LGMN: variants seen among roughly 807,000 people sequenced by gnomAD.
The protein encoded by LGMN is legumain.
A neutral mutation model predicts 56.8 loss-of-function variants in LGMN; 36 were observed. The observed-to-expected ratio is 0.63, with a 90% CI of 0.49 to 0.84. The LOEUF is 0.84. Ranked by LOEUF, LGMN falls within the 40% of genes least tolerant of loss-of-function variation. The pLI is 0.00. For missense variants in LGMN, 446 were observed against 556.1 expected (o/e 0.80, Z 1.99); for synonymous variants, 199 against 210.1 (o/e 0.95, Z 0.46).
At chr14:92,711,325 T>C (rs1889756772) in intron 10 of LGMN, among the ~76,000 whole-genome samples, 1 of 152,242 alleles carries the variant, frequency 6.6e-6, no homozygotes, top group Admixed American at 6.5e-5. Context: ...GATCCCTTGC[T>C]GCACACTAGG....
Position 92,726,319 on chromosome 14 carries a change from T to C in LGMN, c.138+6330A>G, listed in dbSNP as rs539753512. On this transcript the variant is annotated intron_variant, in intron 2 of 13. Coordinates refer to ENST00000334869, the MANE Select transcript of LGMN (RefSeq NM_005606.7). The stretch of plus-strand genomic sequence containing the variant: ...AGTCACCACCACCTCCTTCCTGCAC[T>C]CCCTGGCCACTCCCTCTCGCCTCCG... Among the ~76,000 whole-genome samples, 77 of 151,886 alleles carry C rather than the reference T, an allele frequency of 5.1e-4. No homozygotes were observed. The South Asian group carries it at 0.015, about 29-fold the overall frequency.
chr14:92,716,922 T>C (rs1890102678), intron 4 of LGMN, among the ~76,000 whole-genome samples: 1 of 152,102 alleles, frequency 6.6e-6, no homozygotes, highest in African/African-American at 2.4e-5. Context: ...AGAAAAGTTT[T>C]TGGAAGTAAT....
chr14:92,727,714 T>C (rs965149631), intron 2 of LGMN, among the ~76,000 whole-genome samples: 2 of 152,122 alleles, frequency 1.3e-5, no homozygotes, highest in African/African-American at 2.4e-5. Flanking sequence ...CCCATCCCTC[T>C]CCTGATGGAC....
intron 2 of LGMN, among the ~76,000 whole-genome samples, chr14:92,732,049 TG>T (rs1241557856): frequency 1.3e-5 from 2 of 152,114 alleles, no homozygotes; most frequent in Non-Finnish European, 2.9e-5. Flanking sequence ...CAGAGAGGCC[TG>T]GGGGTCCTGT....
At chr14:92,715,085 G>A (rs150282337) in intron 5 of LGMN, among the ~76,000 whole-genome samples, 1,942 of 142,998 alleles carry the variant, frequency 0.014, 43 homozygotes, top group Admixed American at 0.064. Context: ...TGTAACTTCC[G>A]CCTCCCAGGT....
rs1890060066 is a variant in LGMN, at chr14:92,716,116, T to C, written c.404+20A>G. ...TCCCAAGCCATTGAGAGAAGTGTAG[T>C]ATCCGTAAACAGACATTACCTCTTC... On this transcript the variant is annotated intron_variant, in intron 5 of 13. Coordinates refer to ENST00000334869, the MANE Select transcript of LGMN (RefSeq NM_005606.7). 1 of 1,534,674 alleles carries C rather than the reference T, an allele frequency of 6.5e-7. No homozygotes were observed. Among genetic ancestry groups the C allele is most frequent in the Non-Finnish European group, 9.0e-7 (1 of 1,114,408 alleles).
At chr14:92,706,404 G>T in intron 12 of LGMN, 79 bp downstream of exon 12, 2 of 1,244,520 alleles carry the variant, frequency 1.6e-6, no homozygotes, top group Non-Finnish European at 2.2e-6. Context: ...CTATAAGGTC[G>T]TACAACCAAT....
chr14:92,742,758 A>T (rs965461490), intron 1 of LGMN, among the ~76,000 whole-genome samples: 1 of 152,162 alleles, frequency 6.6e-6, no homozygotes, highest in Non-Finnish European at 1.5e-5. Flanking sequence ...GAAGCATTGG[A>T]TACAGGCTGG....
chr14:92,719,357 A>ACCGCCATCACTGC (rs1890334322), intron 2 of LGMN, among the ~76,000 whole-genome samples: 2 of 45,670 alleles, frequency 4.4e-5, no homozygotes, highest in African/African-American at 1.9e-4. Flanking sequence ...ACCACCACCA[A>ACCGCCATCACTGC]CACCACCACC....
chr14:92,726,624 G>C (rs185449303), intron 2 of LGMN, among the ~76,000 whole-genome samples: 1 of 152,286 alleles, frequency 6.6e-6, no homozygotes, highest in Admixed American at 6.5e-5. Flanking sequence ...CTGTCAAAGG[G>C]AAAGAAAGGG....
rs944844580 is a variant in LGMN, at chr14:92,714,136, A to G, written c.480+240T>C. 1.4e-4 allele frequency among the ~76,000 whole-genome samples: 21 copies of G among 152,144 alleles called. No homozygotes were observed. Among genetic ancestry groups the G allele is most frequent in the African/African-American group, 5.1e-4 (21 of 41,424 alleles). The stretch of plus-strand genomic sequence containing the variant: ...TCTATTCTCAGGTCTAGTGTGATAC[A>G]CCCACATCCTGAGACAGCTACCGAC... On this transcript the variant is annotated intron_variant, in intron 6 of 13. Transcript: ENST00000334869. The surrounding 1 kb of genome is among the most constrained non-coding windows in gnomAD (Gnocchi z 5.1).
chr14:92,721,541 G>C (rs746751846), intron 2 of LGMN, among the ~76,000 whole-genome samples: 5 of 152,192 alleles, frequency 3.3e-5, no homozygotes, highest in Non-Finnish European at 7.3e-5. Flanking sequence ...AACTAATACA[G>C]CTATGATGGA....
At chr14:92,716,970 T>C (rs1187449369) in intron 4 of LGMN, among the ~76,000 whole-genome samples, 1 of 152,116 alleles carries the variant, frequency 6.6e-6, no homozygotes, top group African/African-American at 2.4e-5. Context: ...TAATAAACTA[T>C]ATAACAATAA....
At chr14:92,716,679 CT>C (rs1402531053) in intron 4 of LGMN, among the ~76,000 whole-genome samples, 1 of 152,092 alleles carries the variant, frequency 6.6e-6, no homozygotes, top group Non-Finnish European at 1.5e-5. Context: ...ATACGGTCAT[CT>C]TTTTTACCTG....
intron 2 of LGMN, among the ~76,000 whole-genome samples, chr14:92,723,630 A>G (rs1890598314): frequency 6.6e-6 from 1 of 152,262 alleles, no homozygotes; most frequent in Non-Finnish European, 1.5e-5. Context: ...CACGCTGTTT[A>G]GCTCCACTGA....
chr14:92,713,770 C>A (rs1248869207), intron 7 of LGMN, 53 bp downstream of exon 7: 2 of 1,286,814 alleles, frequency 1.6e-6, no homozygotes, highest in South Asian at 2.4e-5. Context: ...TCTGCACTCA[C>A]GGCTTTCCTC....
rs1020037056 is a variant in LGMN, at chr14:92,714,965, C to T, written c.405-514G>A. ...TAACTTACATGAAGCCAATTTGGTT[C>T]ACCCTCACAGATGTCCATCTCCATA... On this transcript the variant is annotated intron_variant, in intron 5 of 13. Transcript: ENST00000334869. This position sits in a 1 kb window ranked among gnomAD's most constrained non-coding sequence, Gnocchi z 5.1. 2.6e-5 allele frequency among the ~76,000 whole-genome samples: 4 copies of T among 151,636 alleles called. No homozygotes were observed. The highest frequency in any genetic ancestry group is 6.6e-5 in the Admixed American group (1 of 15,222).
chr14:92,726,129 C>T (rs527809031), intron 2 of LGMN, among the ~76,000 whole-genome samples: 40 of 150,800 alleles, frequency 2.7e-4, no homozygotes, highest in African/African-American at 5.4e-4. Flanking sequence ...CCCAGCTATT[C>T]GGGAGGCTGA....
chr14:92,709,943 G>A, intron 10 of LGMN, 71 bp from the exon 11 acceptor site: 4 of 1,288,424 alleles, frequency 3.1e-6, no homozygotes, highest in South Asian at 1.4e-5. Context: ...AGAGAGAGAG[G>A]GAGAGAGAGA....
Sources: gnomAD v4.1 joint callset for allele counts (sites outside exome capture counted in the v4.1 genomes callset) on GRCh38, gnomAD v4.1.1 for gene constraint, Gnocchi (gnomAD v3.1) non-coding constraint, MANE v1.5 for transcripts, NCBI Gene and HGNC (gene_info 2026-07-23, HGNC 2026-07-21) for gene names.